Variants in INPP4B observed in about 807,000 individuals in gnomAD.
The protein encoded by INPP4B is inositol polyphosphate-4-phosphatase type II B, also known as inositol polyphosphate 4-phosphatase type II.
Under a neutral mutation model 122.5 loss-of-function variants are expected in INPP4B, and 55 were observed. The ratio of observed to expected loss-of-function variants is 0.45; its 90% CI spans 0.36 to 0.56. The LOEUF (loss-of-function observed/expected upper bound fraction) is 0.56. Ranked by LOEUF, INPP4B falls within the 20% of genes least tolerant of loss-of-function variation. The probability of loss-of-function intolerance (pLI) is 0.00; values close to 1 mark genes in which losing one functional copy is unlikely to be tolerated. For missense variants in INPP4B, 1,000 were observed against 1,097.7 expected (o/e 0.91, Z 1.26); for synonymous variants, 403 against 388.7 (o/e 1.04, Z -0.43).
chr4:142,253,021 T>C (rs72939272), intron 11 of INPP4B, among the ~76,000 whole-genome samples: 7,218 of 152,292 alleles, frequency 0.047, 326 homozygotes, highest in East Asian at 0.21. Flanking sequence ...TAGGCTACAA[T>C]CTGTATAGTA....
intron 5 of INPP4B, among the ~76,000 whole-genome samples, chr4:142,428,951 G>A (rs1222599502): frequency 6.6e-6 from 1 of 151,952 alleles, no homozygotes; most frequent in Admixed American, 6.6e-5. Context: ...AGACCTGGTT[G>A]AGAGGCAAAA....
At chr4:142,082,968 A>T (rs1438665708) in intron 24 of INPP4B, among the ~76,000 whole-genome samples, 1 of 152,120 alleles carries the variant, frequency 6.6e-6, no homozygotes. Context: ...CTCTATTTAA[A>T]TAAATAAATT....
chr4:142,721,726 C>T (rs746821637), intron 2 of INPP4B, among the ~76,000 whole-genome samples: 2 of 151,990 alleles, frequency 1.3e-5, no homozygotes, highest in Admixed American at 1.3e-4. Context: ...GAGGCTGAGG[C>T]AGGAGAATTG....
At chr4:142,767,086 G>A (rs546956266) in intron 1 of INPP4B, among the ~76,000 whole-genome samples, 5 of 152,212 alleles carry the variant, frequency 3.3e-5, no homozygotes, top group South Asian at 2.1e-4. Context: ...TAATCTAAAC[G>A]CTCATTCCAC....
At chr4:142,295,151 T>C (rs537704371) in intron 9 of INPP4B, among the ~76,000 whole-genome samples, 1 of 152,172 alleles carries the variant, frequency 6.6e-6, no homozygotes, top group Non-Finnish European at 1.5e-5. Flanking sequence ...TAAGTTCAGT[T>C]TGGGGTAGGT....
intron 1 of INPP4B, among the ~76,000 whole-genome samples, chr4:142,736,413 T>A (rs1435408061): frequency 6.6e-6 from 1 of 152,186 alleles, no homozygotes; most frequent in Non-Finnish European, 1.5e-5. Flanking sequence ...GGAATATTAT[T>A]TAATTTTCAT....
At chr4:142,626,690 T>C (rs1746491083) in intron 2 of INPP4B, among the ~76,000 whole-genome samples, 1 of 152,016 alleles carries the variant, frequency 6.6e-6, no homozygotes, top group African/African-American at 2.4e-5. Context: ...GTAGACATTG[T>C]TTTAAGCTAC....
intron 5 of INPP4B, chr4:142,427,199 T>C (rs1292585154): frequency 4.5e-6 from 1 of 222,472 alleles, no homozygotes; most frequent in Non-Finnish European, 8.6e-6. Context: ...ATGGTGTAGT[T>C]GAAGATCTTA....
intron 3 of INPP4B, among the ~76,000 whole-genome samples, chr4:142,445,937 A>C (rs1424039910): frequency 6.6e-6 from 1 of 152,206 alleles, no homozygotes; most frequent in African/African-American, 2.4e-5. Context: ...CAAGTAATTG[A>C]TAAAGCAAAA....
At chr4:142,574,161 C>T (rs1415714429) in intron 2 of INPP4B, among the ~76,000 whole-genome samples, 1 of 152,064 alleles carries the variant, frequency 6.6e-6, no homozygotes, top group Non-Finnish European at 1.5e-5. Context: ...CTCACCATTT[C>T]CAACATTATA....
chr4:142,099,731 C>T (rs972127550), intron 23 of INPP4B, among the ~76,000 whole-genome samples: 4 of 152,110 alleles, frequency 2.6e-5, no homozygotes, highest in African/African-American at 9.7e-5. Context: ...TCACATTGAA[C>T]AGAATCATCA....
intron 11 of INPP4B, among the ~76,000 whole-genome samples, chr4:142,249,288 G>T (rs897638748): frequency 6.6e-6 from 1 of 151,986 alleles, no homozygotes; most frequent in Non-Finnish European, 1.5e-5. Context: ...TTCTCACAGG[G>T]TCTACTAGCT....
At chr4:142,822,514 C>T (rs73850571) in intron 1 of INPP4B, among the ~76,000 whole-genome samples, 1 of 152,036 alleles carries the variant, frequency 6.6e-6, no homozygotes, top group East Asian at 1.9e-4. Context: ...GAAGTGCAAA[C>T]CCTATTGTGA....
intron 15 of INPP4B, among the ~76,000 whole-genome samples, chr4:142,181,597 G>A (rs1394951601): frequency 6.6e-6 from 1 of 152,062 alleles, no homozygotes. Context: ...GCTACATAAT[G>A]TTCAACTTTA....
chr4:142,787,284 G>A (rs1240843031), intron 1 of INPP4B, among the ~76,000 whole-genome samples: 1 of 152,102 alleles, frequency 6.6e-6, no homozygotes, highest in Non-Finnish European at 1.5e-5. Context: ...AGTGAGAGGG[G>A]ATTCGGCCAT....
intron 7 of INPP4B, among the ~76,000 whole-genome samples, chr4:142,375,459 C>T (rs776443413): frequency 6.6e-6 from 1 of 151,828 alleles, no homozygotes; most frequent in Non-Finnish European, 1.5e-5. Flanking sequence ...TATTCCAAAC[C>T]CTGTGGCTGT....
At chr4:142,810,400 T>C (rs1158373402) in intron 1 of INPP4B, among the ~76,000 whole-genome samples, 2 of 152,174 alleles carry the variant, frequency 1.3e-5, no homozygotes, top group Non-Finnish European at 2.9e-5. Flanking sequence ...GAGTTTAGAA[T>C]GTGCCTTTGT....
intron 12 of INPP4B, among the ~76,000 whole-genome samples, chr4:142,233,588 T>C (rs775198700): frequency 6.6e-5 from 10 of 152,156 alleles, no homozygotes; most frequent in Non-Finnish European, 1.0e-4. Context: ...AGAGTCTATC[T>C]GAATTGTGAG....
At chr4:142,548,667 G>A (rs954510200) in intron 2 of INPP4B, among the ~76,000 whole-genome samples, 3 of 152,000 alleles carry the variant, frequency 2.0e-5, no homozygotes, top group Admixed American at 6.6e-5. Context: ...TCCTTGAAAT[G>A]TGAGTCATTA....
Sources: allele counts gnomAD v4.1 joint callset (sites outside exome capture counted in the v4.1 genomes callset), GRCh38; gene constraint gnomAD v4.1.1; transcripts MANE v1.5; gene names NCBI Gene and HGNC (gene_info 2026-07-23, HGNC 2026-07-21).